PTPRD: variants seen among roughly 807,000 people sequenced by gnomAD.
PTPRD encodes receptor-type tyrosine-protein phosphatase delta.
PTPRD carries 34 observed loss-of-function variants against 214.5 expected under a neutral mutation model. That is an observed-to-expected ratio of 0.16 (90% CI 0.12 to 0.21). PTPRD has a LOEUF of 0.21. PTPRD is among the 10% of genes least tolerant of loss of function. The probability of loss-of-function intolerance (pLI) is 1.00; values close to 1 mark genes in which losing one functional copy is unlikely to be tolerated. For synonymous variants in PTPRD, 1,128 were observed against 845.7 expected (o/e 1.33, Z -5.79); for missense variants, 2,545 against 2,398.7 (o/e 1.06, Z -1.27).
At chr9:8,318,160 C>A (rs527489474) in intron 45 of PTPRD, among the ~76,000 whole-genome samples, 1 of 151,882 alleles carries the variant, frequency 6.6e-6, no homozygotes. Context: ...TTGACTAAAA[C>A]GATCTCCCAA....
chr9:10,292,917 A>C (rs1007326746), intron 3 of PTPRD, among the ~76,000 whole-genome samples: 1 of 151,960 alleles, frequency 6.6e-6, no homozygotes, highest in African/African-American at 2.4e-5. Context: ...TACATAAAAG[A>C]ATAAGTCACT....
intron 9 of PTPRD, among the ~76,000 whole-genome samples, chr9:9,389,947 G>C (rs1332706721): frequency 6.6e-6 from 1 of 152,176 alleles, no homozygotes; most frequent in Non-Finnish European, 1.5e-5. Context: ...GGCAAGGTAG[G>C]TAAGTGCTCT....
intron 7 of PTPRD, among the ~76,000 whole-genome samples, chr9:9,656,480 A>C (rs2096517331): frequency 6.6e-6 from 1 of 152,220 alleles, no homozygotes. Flanking sequence ...AATTAAATAC[A>C]TATCACTAAG....
intron 5 of PTPRD, among the ~76,000 whole-genome samples, chr9:9,891,775 A>T (rs543632444): frequency 6.6e-6 from 1 of 152,262 alleles, no homozygotes; most frequent in East Asian, 1.9e-4. Context: ...CATAAAACTT[A>T]CTAAATATCG....
chr9:9,117,549 A>G (rs907569021), intron 10 of PTPRD, among the ~76,000 whole-genome samples: 2 of 152,176 alleles, frequency 1.3e-5, no homozygotes, highest in African/African-American at 4.8e-5. Flanking sequence ...TGGTAGGCCA[A>G]CTGAGGAACA....
chr9:10,288,904 T>C (rs1239018143), intron 3 of PTPRD, among the ~76,000 whole-genome samples: 2 of 152,122 alleles, frequency 1.3e-5, no homozygotes, highest in Non-Finnish European at 2.9e-5. Context: ...AACCTTGCTA[T>C]CATCTGTACT....
intron 11 of PTPRD, among the ~76,000 whole-genome samples, chr9:8,970,367 G>T (rs1427788258): frequency 6.6e-6 from 1 of 151,872 alleles, no homozygotes; most frequent in Non-Finnish European, 1.5e-5. Context: ...TCTGTTTAAA[G>T]ATGAATAACC....
At chr9:8,563,421 A>G (rs1389078040) in intron 14 of PTPRD, among the ~76,000 whole-genome samples, 3 of 151,454 alleles carry the variant, frequency 2.0e-5, no homozygotes. Flanking sequence ...CCTACTTACA[A>G]AGTTTTGATG....
chr9:9,255,469 C>T (rs1402814756), intron 9 of PTPRD, among the ~76,000 whole-genome samples: 2 of 151,974 alleles, frequency 1.3e-5, no homozygotes, highest in East Asian at 1.9e-4. Flanking sequence ...ACTAATAATG[C>T]TCTATCTCTA....
intron 38 of PTPRD, among the ~76,000 whole-genome samples, chr9:8,376,382 C>G (rs1219994741): frequency 6.6e-6 from 1 of 152,058 alleles, no homozygotes; most frequent in Admixed American, 6.6e-5. Context: ...TTCATCTACT[C>G]TTCATTGGCT....
chr9:8,821,558 T>A (rs143022168), intron 11 of PTPRD, among the ~76,000 whole-genome samples: 1 of 152,170 alleles, frequency 6.6e-6, no homozygotes, highest in Non-Finnish European at 1.5e-5. Flanking sequence ...TGGAGGCCAA[T>A]CCCAATGCAG....
At chr9:9,448,713 T>C (rs1316867735) in intron 8 of PTPRD, among the ~76,000 whole-genome samples, 1 of 152,084 alleles carries the variant, frequency 6.6e-6, no homozygotes, top group African/African-American at 2.4e-5. Flanking sequence ...TGATATTTAA[T>C]GGAGTCCTTT....
chr9:9,749,137 C>T (rs1158837847), intron 6 of PTPRD, among the ~76,000 whole-genome samples: 1 of 152,142 alleles, frequency 6.6e-6, no homozygotes, highest in Non-Finnish European at 1.5e-5. Context: ...ACCCTGAGCA[C>T]ATCCACTTCA....
At chr9:9,328,249 A>T (rs1357951203) in intron 9 of PTPRD, among the ~76,000 whole-genome samples, 3 of 152,126 alleles carry the variant, frequency 2.0e-5, no homozygotes, top group Non-Finnish European at 4.4e-5. Context: ...TAAAGTTTTA[A>T]GGAAGAAGAG....
intron 2 of PTPRD, among the ~76,000 whole-genome samples, chr9:10,560,564 A>G (rs551571535): frequency 1.3e-5 from 2 of 152,168 alleles, no homozygotes; most frequent in African/African-American, 4.8e-5. Context: ...ATAATAATAA[A>G]AACAATAAAA....
At chr9:9,866,222 A>T (rs1269446823) in intron 5 of PTPRD, among the ~76,000 whole-genome samples, 1 of 152,198 alleles carries the variant, frequency 6.6e-6, no homozygotes, top group Non-Finnish European at 1.5e-5. Flanking sequence ...CACACTTTAG[A>T]ATCTGCTATA....
intron 11 of PTPRD, among the ~76,000 whole-genome samples, chr9:9,008,095 G>A (rs2154360175): frequency 6.8e-6 from 1 of 147,180 alleles, no homozygotes; most frequent in Non-Finnish European, 1.5e-5. Context: ...ATGACAAGAT[G>A]GCGGCTTTTC....
At chr9:9,860,019 A>G (rs2062378166) in intron 5 of PTPRD, among the ~76,000 whole-genome samples, 1 of 152,070 alleles carries the variant, frequency 6.6e-6, no homozygotes, top group East Asian at 1.9e-4. Context: ...TTCAAATAAT[A>G]TTTGATTCTC....
At chr9:10,355,843 T>C (rs1203169118) in intron 2 of PTPRD, among the ~76,000 whole-genome samples, 1 of 152,188 alleles carries the variant, frequency 6.6e-6, no homozygotes, top group East Asian at 1.9e-4. Flanking sequence ...CACTATGATA[T>C]ACTACTCATT....
Sources: allele counts gnomAD v4.1 joint callset (sites outside exome capture counted in the v4.1 genomes callset), GRCh38; gene constraint gnomAD v4.1.1; transcripts MANE v1.5; gene names NCBI Gene and HGNC (gene_info 2026-07-23, HGNC 2026-07-21).